VEPH1: variants seen among roughly 807,000 people sequenced by gnomAD.
The protein encoded by VEPH1 is ventricular zone-expressed PH domain-containing protein homolog 1.
Under a neutral mutation model 85.2 loss-of-function variants are expected in VEPH1, and 80 were observed. That is an observed-to-expected ratio of 0.94 (90% confidence interval 0.78 to 1.13). The LOEUF is 1.13. VEPH1 is among the 50% of genes most tolerant of loss of function. VEPH1 has a pLI of 0.00. For missense variants in VEPH1, 955 were observed against 980.5 expected (o/e 0.97, Z 0.35); for synonymous variants, 297 against 348.0 (o/e 0.85, Z 1.63).
At chr3:157,354,257 T>TA (rs139120066) in intron 9 of VEPH1, among the ~76,000 whole-genome samples, 33,206 of 149,088 alleles carry the variant, frequency 0.22, 4,421 homozygotes, top group Admixed American at 0.42. Context: ...GTTTATTAAT[T>TA]AAAAAAAAAA....
At chr3:157,325,821 C>T (rs140050156) in intron 9 of VEPH1, among the ~76,000 whole-genome samples, 2 of 152,200 alleles carry the variant, frequency 1.3e-5, no homozygotes, top group South Asian at 2.1e-4. Context: ...TCAGGCTCTT[C>T]TTTGGTTCCA....
intron 2 of VEPH1, among the ~76,000 whole-genome samples, chr3:157,485,338 A>C (rs185199572): frequency 6.6e-6 from 1 of 152,306 alleles, no homozygotes; most frequent in Non-Finnish European, 1.5e-5. Flanking sequence ...CATGACAACT[A>C]TGTATGACTA....
intron 11 of VEPH1, among the ~76,000 whole-genome samples, chr3:157,304,211 A>G (rs1240814344): frequency 1.3e-5 from 2 of 151,910 alleles, no homozygotes; most frequent in Non-Finnish European, 2.9e-5. Context: ...AGTTTTATTT[A>G]TGCCTTGACA....
chr3:157,396,566 A>G lies in VEPH1; in HGVS notation c.907-15190T>C, dbSNP rs554358953. On this transcript the variant is annotated intron_variant, in intron 6 of 13. Transcript: ENST00000362010. ...AATTTACATTCCCACCAATAGTGTA[A>G]AAGCATTCCTATTTCTCCACAGCCT... 2.0e-5 allele frequency among the ~76,000 whole-genome samples: 3 copies of G among 152,314 alleles called. No individual in the cohort carries two copies. In the South Asian group the frequency reaches 6.2e-4, roughly 32 times the overall value.
At chr3:157,292,277 T>G (rs1444734280) in intron 11 of VEPH1, among the ~76,000 whole-genome samples, 14 of 152,186 alleles carry the variant, frequency 9.2e-5, no homozygotes, top group Admixed American at 9.2e-4. Flanking sequence ...GTGCCCTGAC[T>G]GTAAAATTAA....
chr3:157,463,058 G>A (rs1173354386), intron 3 of VEPH1, among the ~76,000 whole-genome samples: 1 of 152,208 alleles, frequency 6.6e-6, no homozygotes, highest in Non-Finnish European at 1.5e-5. Flanking sequence ...TTCTATCTGA[G>A]AGACCAGATC....
intron 12 of VEPH1, among the ~76,000 whole-genome samples, chr3:157,269,639 G>GTT (rs1173218297): frequency 5.1e-5 from 4 of 78,530 alleles, no homozygotes; most frequent in South Asian, 3.9e-4. Context: ...TTTTGTTTTT[G>GTT]TTGTTTTTTT....
intron 4 of VEPH1, among the ~76,000 whole-genome samples, chr3:157,432,367 T>A (rs1733234038): frequency 6.6e-6 from 1 of 152,158 alleles, no homozygotes; most frequent in Non-Finnish European, 1.5e-5. Flanking sequence ...GGTTTTTTTG[T>A]TAGAAATTTT....
At chr3:157,479,914 AC>A (rs1294099510) in intron 2 of VEPH1, among the ~76,000 whole-genome samples, 1 of 152,210 alleles carries the variant, frequency 6.6e-6, no homozygotes, top group Non-Finnish European at 1.5e-5. Context: ...CCTTAAGGAT[AC>A]CATAACCCTA....
intron 7 of VEPH1, among the ~76,000 whole-genome samples, chr3:157,371,775 C>A (rs978682580): frequency 2.0e-5 from 3 of 152,230 alleles, no homozygotes; most frequent in Middle Eastern, 3.4e-3. Context: ...GTAGGCTTTG[C>A]CTTTTATCCT....
chr3:157,410,689 A>G (rs1233332652), intron 6 of VEPH1, among the ~76,000 whole-genome samples: 1 of 152,180 alleles, frequency 6.6e-6, no homozygotes, highest in Non-Finnish European at 1.5e-5. Flanking sequence ...GGCATTACAA[A>G]TAATCAAGAA....
intron 12 of VEPH1, among the ~76,000 whole-genome samples, chr3:157,271,221 A>T (rs1441970038): frequency 6.6e-6 from 1 of 152,112 alleles, no homozygotes; most frequent in Non-Finnish European, 1.5e-5. Flanking sequence ...ACTTTATGGG[A>T]AAGTTTTTCT....
chr3:157,369,194 A>AAAAAAAAAC (rs1727187664), intron 7 of VEPH1, among the ~76,000 whole-genome samples: 1 of 144,962 alleles, frequency 6.9e-6, no homozygotes, highest in Admixed American at 6.9e-5. Context: ...AAAAAAAAAA[A>AAAAAAAAAC]AAAAAAAAAA....
intron 6 of VEPH1, among the ~76,000 whole-genome samples, chr3:157,387,851 G>T (rs916276940): frequency 3.9e-5 from 6 of 152,106 alleles, no homozygotes; most frequent in Non-Finnish European, 1.5e-5. Context: ...TAAACCCCTT[G>T]GATGATTCAG....
At chr3:157,264,000 G>A (rs776856667) in intron 13 of VEPH1, among the ~76,000 whole-genome samples, 7 of 152,152 alleles carry the variant, frequency 4.6e-5, no homozygotes, top group Admixed American at 2.6e-4. Flanking sequence ...CATTATTTCC[G>A]CATGTGTCTG....
At chr3:157,482,690 T>G (rs1738232204) in intron 2 of VEPH1, among the ~76,000 whole-genome samples, 1 of 152,198 alleles carries the variant, frequency 6.6e-6, no homozygotes. Context: ...TAGTTGTCCT[T>G]GTAGAGATTT....
intron 11 of VEPH1, among the ~76,000 whole-genome samples, chr3:157,306,331 T>C (rs1258825439): frequency 6.6e-6 from 1 of 152,196 alleles, no homozygotes; most frequent in Non-Finnish European, 1.5e-5. Flanking sequence ...ATCATAAGTA[T>C]ATGTATGTAT....
At chr3:157,327,655 C>T (rs1042172759) in intron 9 of VEPH1, among the ~76,000 whole-genome samples, 2 of 151,964 alleles carry the variant, frequency 1.3e-5, no homozygotes, top group African/African-American at 2.4e-5. Flanking sequence ...TGTAGGAGGA[C>T]GTTGAGGGTT....
intron 4 of VEPH1, chr3:157,443,562 C>T (rs1734310559): frequency 1.3e-5 from 2 of 152,578 alleles, no homozygotes; most frequent in South Asian, 2.1e-4. Context: ...TAAAGCTCTA[C>T]TGTAAATAAA....
Sources: allele counts gnomAD v4.1 joint callset (sites outside exome capture counted in the v4.1 genomes callset), GRCh38; gene constraint gnomAD v4.1.1; transcripts MANE v1.5; gene names NCBI Gene and HGNC (gene_info 2026-07-23, HGNC 2026-07-21).